Variants in VIPR2 observed in about 807,000 individuals in gnomAD.
The protein encoded by VIPR2 is vasoactive intestinal peptide receptor 2, also known as vasoactive intestinal polypeptide receptor 2.
VIPR2 carries 48 observed loss-of-function variants against 58.0 expected under a neutral mutation model. The ratio of observed to expected loss-of-function variants is 0.83; its 90% confidence interval spans 0.66 to 1.05. The LOEUF (loss-of-function observed/expected upper bound fraction) is 1.05. Among genes scored for constraint, VIPR2 ranks in the 50% least tolerant of loss-of-function variants. The pLI, the probability that VIPR2 is intolerant of heterozygous loss-of-function variation, is 0.00. For synonymous variants in VIPR2, 243 were observed against 235.2 expected, an observed-to-expected ratio of 1.03 and a Z score of -0.30; for missense variants, 534 against 558.0, an observed-to-expected ratio of 0.96 and a Z score of 0.43.
intron 12 of VIPR2, 69 bp from the exon 13 acceptor site, chr7:159,030,858 G>T: frequency 7.1e-7 from 1 of 1,406,232 alleles, no homozygotes; most frequent in Admixed American, 3.0e-5. Flanking sequence ...TGGGAAGCGC[G>T]GCCCGCGAGC....
chr7:159,090,118 C>T (rs888143842), intron 4 of VIPR2, among the ~76,000 whole-genome samples: 3 of 136,860 alleles, frequency 2.2e-5, no homozygotes, highest in South Asian at 2.3e-4. Flanking sequence ...TCACAATCCC[C>T]GGTGACCTCA....
rs985134395 is a variant in VIPR2 at position 159,127,411 on chromosome 7, T to C, written c.151+15035A>G. Among the ~76,000 whole-genome samples the C allele has an allele frequency of 3.9e-5, 6 of 152,160 alleles. No homozygotes were observed. Among genetic ancestry groups the C allele is most frequent in the African/African-American group, 1.4e-4 (6 of 41,450 alleles). On this transcript the variant is annotated intron_variant, in intron 2 of 12. Coordinates refer to ENST00000262178, the MANE Select transcript of VIPR2 (RefSeq NM_003382.5). This position sits in a 1 kb window ranked among gnomAD's most constrained non-coding sequence, Gnocchi z 4.6. The stretch of plus-strand genomic sequence containing the variant: ...CTCCAAATCCAGAAATAACCAAAAC[T>C]ATTAAATGAACAAGAGGATTTTTCA...
In VIPR2 at chr7:159,127,271, G is replaced by C. The variant is rs1452143257; in HGVS notation, c.151+15175C>G. On this transcript the variant is annotated intron_variant, in intron 2 of 12. Coordinates refer to ENST00000262178, the MANE Select transcript of VIPR2 (RefSeq NM_003382.5). This position sits in a 1 kb window ranked among gnomAD's most constrained non-coding sequence, Gnocchi z 4.6. ...GCCCTTAGGAGGCACCTGGAAACTG[G>C]ATCACAGCAGAATTCTGAATTTCAG... is the stretch of plus-strand genomic sequence containing the variant. 2.0e-5 allele frequency among the ~76,000 whole-genome samples: 3 copies of C among 152,198 alleles called. No homozygotes were observed. The highest frequency in any genetic ancestry group is 7.2e-5 in the African/African-American group (3 of 41,456).
intron 4 of VIPR2, among the ~76,000 whole-genome samples, chr7:159,084,737 C>T (rs1585446275): frequency 6.6e-6 from 1 of 152,168 alleles, no homozygotes; most frequent in Non-Finnish European, 1.5e-5. Context: ...GAGTGGGGTA[C>T]AGGGAGGATT....
intron 5 of VIPR2, among the ~76,000 whole-genome samples, chr7:159,047,643 T>G (rs938246583): frequency 1.3e-5 from 2 of 152,250 alleles, no homozygotes; most frequent in Admixed American, 6.5e-5. Flanking sequence ...AAAGTATTTG[T>G]GTTCCATTTT....
chr7:159,139,907 G>C lies in VIPR2; in HGVS notation c.151+2539C>G, dbSNP rs564516827. Among the ~76,000 whole-genome samples, 23 of 152,388 alleles carry C rather than the reference G, an allele frequency of 1.5e-4. No individual in the cohort carries two copies. The East Asian group carries it at 3.7e-3, about 24-fold the overall frequency. On this transcript the variant is annotated intron_variant, in intron 2 of 12. Transcript: ENST00000262178. ...GGCCATGGAAACAGGGCTGGATCTC[G>C]GCTCTGAGGCCGGGAGTGCCTCATA...
chr7:159,111,179 G>C (rs62487861), intron 2 of VIPR2, among the ~76,000 whole-genome samples: 1 of 152,120 alleles, frequency 6.6e-6, no homozygotes, highest in Non-Finnish European at 1.5e-5. Flanking sequence ...TGTAGGGCAG[G>C]TGGTGGAGAG....
At chr7:159,081,421 A>G (rs1254012397) in intron 4 of VIPR2, among the ~76,000 whole-genome samples, 10 of 152,242 alleles carry the variant, frequency 6.6e-5, no homozygotes, top group Non-Finnish European at 1.3e-4. Flanking sequence ...CCATATGTAG[A>G]AAGCTGAAAC....
At chr7:159,117,519 A>C in intron 2 of VIPR2, 1 of 674,734 alleles carries the variant, frequency 1.5e-6, no homozygotes, top group South Asian at 1.7e-5. Flanking sequence ...TGAGTCATGG[A>C]CACAGATGGG....
At chr7:159,050,065 G>A (rs1017598998) in intron 5 of VIPR2, among the ~76,000 whole-genome samples, 17 of 152,128 alleles carry the variant, frequency 1.1e-4, no homozygotes, top group African/African-American at 3.1e-4. Flanking sequence ...GGCCAGGCAC[G>A]GTGGCTCACG....
chr7:159,036,711 G>A, intron 7 of VIPR2, 41 bp downstream of exon 7: 1 of 1,589,084 alleles, frequency 6.3e-7, no homozygotes, highest in South Asian at 1.1e-5. Flanking sequence ...GGTCCGATGG[G>A]ATGGGATGGA....
At chr7:159,038,353 T>C (rs986079275) in intron 6 of VIPR2, among the ~76,000 whole-genome samples, 3 of 152,186 alleles carry the variant, frequency 2.0e-5, no homozygotes, top group Non-Finnish European at 4.4e-5. Context: ...GTTACCCTTA[T>C]TGTCCATCTT....
At chr7:159,109,994 T>C (rs1795927689) in intron 2 of VIPR2, 75 bp from the exon 3 acceptor site, 1 of 1,394,420 alleles carries the variant, frequency 7.2e-7, no homozygotes, top group South Asian at 1.2e-5. Context: ...ATTAATGAGA[T>C]AACTGCCTCG....
chr7:159,123,468 C>T (rs1364367377), intron 2 of VIPR2, among the ~76,000 whole-genome samples: 2 of 152,116 alleles, frequency 1.3e-5, no homozygotes, highest in Non-Finnish European at 1.5e-5. Flanking sequence ...ATCCACATTC[C>T]CACCAAAGAC....
chr7:159,071,685 C>T (rs1303440230), intron 4 of VIPR2, among the ~76,000 whole-genome samples: 1 of 152,208 alleles, frequency 6.6e-6, no homozygotes, highest in East Asian at 1.9e-4. Flanking sequence ...GAGGAGACTT[C>T]TGGTAAACTA....
intron 4 of VIPR2, among the ~76,000 whole-genome samples, chr7:159,085,906 C>T (rs750319856): frequency 5.9e-5 from 9 of 152,212 alleles, no homozygotes; most frequent in Non-Finnish European, 1.2e-4. Context: ...GAGGACGACC[C>T]GCGCGATGCT....
chr7:159,064,775 C>T (rs554532209), intron 4 of VIPR2, among the ~76,000 whole-genome samples: 2 of 152,318 alleles, frequency 1.3e-5, no homozygotes, highest in Admixed American at 1.3e-4. Flanking sequence ...TGACCCGGGG[C>T]CGCCTGTGCA....
chr7:159,100,612 T>C (rs1006779261), intron 4 of VIPR2, among the ~76,000 whole-genome samples: 7 of 152,256 alleles, frequency 4.6e-5, no homozygotes, highest in Non-Finnish European at 7.3e-5. Flanking sequence ...CCAAATCTCA[T>C]ATTGAATTGT....
intron 2 of VIPR2, among the ~76,000 whole-genome samples, chr7:159,138,404 TTA>T (rs1389404628): frequency 6.6e-6 from 1 of 152,240 alleles, no homozygotes; most frequent in Non-Finnish European, 1.5e-5. Flanking sequence ...GATTCCCATT[TTA>T]TATGAGTGGC....
Sources: allele counts gnomAD v4.1 joint callset (sites outside exome capture counted in the v4.1 genomes callset), GRCh38; gene constraint gnomAD v4.1.1; non-coding constraint Gnocchi (gnomAD v3.1); transcripts MANE v1.5; gene names NCBI Gene and HGNC (gene_info 2026-07-23, HGNC 2026-07-21).